The following SNAPC3 variants were observed in gnomAD, a reference collection of about 807,000 sequenced individuals.
SNAPC3 encodes small nuclear RNA activating complex polypeptide 3, also known as snRNA-activating protein complex subunit 3.
In SNAPC3, 56 loss-of-function variants were observed where a neutral mutation model predicts 47.7. That is an observed-to-expected ratio of 1.18 (90% CI 0.95 to 1.47). The LOEUF (loss-of-function observed/expected upper bound fraction) is 1.47, where lower values mean the gene tolerates loss of function less well. Ranked by LOEUF, SNAPC3 falls within the 40% of genes most tolerant of loss-of-function variation. The pLI is 0.00. For missense variants in SNAPC3, 665 were observed against 511.3 expected, an observed-to-expected ratio of 1.30 and a Z score of -2.90; for synonymous variants, 235 against 189.9, an observed-to-expected ratio of 1.24 and a Z score of -1.95.
chr9:15,443,168 AGGGAGAGGGAGACCGTGGGGAGAGG>A (rs1224851268), intron 3 of SNAPC3, among the ~76,000 whole-genome samples: 2 of 152,060 alleles, frequency 1.3e-5, no homozygotes, highest in East Asian at 1.9e-4. Flanking sequence ...GTGGAGAGAG[AGGGAGAGGGAGACCGTGGGGAGAGG>A]GGGAGAGGGA....
At chr9:15,458,151 A>G (rs2034942426) in intron 8 of SNAPC3, 84 bp downstream of exon 8, 2 of 690,744 alleles carry the variant, frequency 2.9e-6, no homozygotes, top group Admixed American at 3.0e-5. Context: ...GGATCTAAGA[A>G]TATTTGTACT....
chr9:15,433,674 A>C (rs2032452229), intron 3 of SNAPC3, 38 bp downstream of exon 3: 4 of 1,296,496 alleles, frequency 3.1e-6, no homozygotes, highest in Non-Finnish European at 4.4e-6. Flanking sequence ...CTTTTCTCTT[A>C]AAACAGTAAA....
In SNAPC3 at chr9:15,445,422, C is replaced by G. The variant is rs113670997; in HGVS notation, c.582+716C>G. 1.3e-3 allele frequency among the ~76,000 whole-genome samples: 201 copies of G among 152,264 alleles called. 3 individuals are homozygous for G. Among genetic ancestry groups the G allele is most frequent in the African/African-American group, 4.6e-3 (191 of 41,540 alleles). Reference sequence around the variant, plus strand: ...ATTGAACTAACCAGAGACAGCTCTTCTTTGATGAAAATACAGAACATTATT... The same window carrying G: ...ATTGAACTAACCAGAGACAGCTCTTGTTTGATGAAAATACAGAACATTATT... On this transcript the variant is annotated intron_variant, in intron 4 of 8. Coordinates refer to ENST00000380821, the MANE Select transcript of SNAPC3 (RefSeq NM_001039697.2).
Position 15,444,695 on chromosome 9 carries a change from AT to A in SNAPC3, c.572del (p.Ile191AsnfsTer25), listed in dbSNP as rs751083584. The A allele has an allele frequency of 1.9e-6, 3 of 1,564,868 alleles. No homozygotes were observed. The South Asian group carries it at 3.4e-5, about 18-fold the overall frequency. On this transcript the variant is annotated frameshift_variant, in exon 4 of 9. Transcript: ENST00000380821. LOFTEE classifies it high-confidence loss of function. Reference sequence around the variant, plus strand: ...ATCTGTGAATATCTTGTACCCTGTTATATTTCATAAGGTAAGTAGTAAAACC... The same window carrying A: ...ATCTGTGAATATCTTGTACCCTGTTAATTTCATAAGGTAAGTAGTAAAACC... ...ILSVNILYPV[I>X]FHKHKEHKPY...
chr9:15,466,701 C>T (rs2035648143), downstream of SNAPC3: 2 of 1,447,882 alleles, frequency 1.4e-6, no homozygotes, highest in South Asian at 1.2e-5. Context: ...TGATTAAAAA[C>T]CTGAATAATA....
At chr9:15,432,246 T>C (rs7040353) in intron 2 of SNAPC3, among the ~76,000 whole-genome samples, 125,273 of 152,086 alleles carry the variant, frequency 0.82, 52,703 homozygotes, top group Non-Finnish European at 0.91. Flanking sequence ...CAGTATAAAC[T>C]CATAGTTTTA....
intron 2 of SNAPC3, among the ~76,000 whole-genome samples, chr9:15,430,481 A>G (rs770702348): frequency 1.3e-5 from 2 of 152,174 alleles, no homozygotes; most frequent in African/African-American, 4.8e-5. Context: ...AAAAAGAACA[A>G]CAAAGTAAGT....
intron 2 of SNAPC3, among the ~76,000 whole-genome samples, chr9:15,427,058 A>G (rs1403633756): frequency 2.6e-5 from 4 of 152,210 alleles, no homozygotes; most frequent in Non-Finnish European, 5.9e-5. Flanking sequence ...TCATTTCTTT[A>G]TTATGACATA....
chr9:15,446,424 C>A (rs2033935119), intron 4 of SNAPC3, among the ~76,000 whole-genome samples: 1 of 152,180 alleles, frequency 6.6e-6, no homozygotes, highest in South Asian at 2.1e-4. Flanking sequence ...CCAGGTTGAT[C>A]TTGAACTTCT....
intron 1 of SNAPC3, 125 bp downstream of exon 1, chr9:15,423,318 C>T (rs2030846688): frequency 1.0e-6 from 1 of 990,584 alleles, no homozygotes; most frequent in East Asian, 3.2e-5. Flanking sequence ...GGAGTATTAC[C>T]CTTTAAAGCT....
At chr9:15,465,675 G>GA, downstream of SNAPC3, 2 of 1,000,230 alleles carry the variant, frequency 2.0e-6, no homozygotes, top group African/African-American at 3.3e-5. Flanking sequence ...TTAAACCCAT[G>GA]AAAAGACTGA....
At chr9:15,456,625 G>C (rs62570993) in intron 7 of SNAPC3, among the ~76,000 whole-genome samples, 1 of 151,964 alleles carries the variant, frequency 6.6e-6, no homozygotes, top group Admixed American at 6.6e-5. Flanking sequence ...ATGCCACCAT[G>C]CCTGGCCAAT....
chr9:15,442,622 G>T (rs998437277), intron 3 of SNAPC3, among the ~76,000 whole-genome samples: 4 of 152,054 alleles, frequency 2.6e-5, no homozygotes, highest in African/African-American at 9.7e-5. Context: ...GGGCGGCCGG[G>T]CAGAGACGCT....
chr9:15,457,843 C>A, intron 7 of SNAPC3, 117 bp from the exon 8 acceptor site: 2 of 650,760 alleles, frequency 3.1e-6, no homozygotes, highest in Non-Finnish European at 5.2e-6. Flanking sequence ...ATCTTGTAAG[C>A]AAAAATTGAA....
intron 8 of SNAPC3, among the ~76,000 whole-genome samples, chr9:15,459,034 C>A (rs1249764595): frequency 6.6e-6 from 1 of 152,138 alleles, no homozygotes; most frequent in African/African-American, 2.4e-5. Flanking sequence ...CAACTTGTAT[C>A]TTCAGTTTGT....
chr9:15,459,864 TAAG>T lies in SNAPC3; in HGVS notation c.*1_*3del. On this transcript the variant is annotated stop_retained_variant and 3_prime_UTR_variant, in exon 9 of 9. Transcript: ENST00000380821. Reference sequence around the variant, plus strand: ...TTATGTTGATCCTGGAACCTTTAATTAAGAATAGCTACACTCACAAAAATACCC... The same window carrying T: ...TTATGTTGATCCTGGAACCTTTAATTAATAGCTACACTCACAAAAATACCC... 1 of 1,611,630 alleles carries T rather than the reference TAAG, an allele frequency of 6.2e-7. No individual in the cohort carries two copies. Among genetic ancestry groups the T allele is most frequent in the Non-Finnish European group, 8.5e-7 (1 of 1,178,742 alleles).
downstream of SNAPC3, chr9:15,462,693 T>G (rs2035304375): frequency 6.6e-6 from 1 of 152,242 alleles, no homozygotes; most frequent in Admixed American, 6.5e-5. Flanking sequence ...TCTTCAGGCA[T>G]CAGTACCATT....
intron 2 of SNAPC3, among the ~76,000 whole-genome samples, chr9:15,425,733 A>G (rs868348535): frequency 1.3e-5 from 2 of 152,128 alleles, no homozygotes; most frequent in African/African-American, 4.8e-5. Flanking sequence ...TTGATTGATT[A>G]GTTGTATTTG....
intron 3 of SNAPC3, among the ~76,000 whole-genome samples, chr9:15,443,640 G>A (rs1048480930): frequency 6.6e-6 from 1 of 152,126 alleles, no homozygotes; most frequent in Non-Finnish European, 1.5e-5. Context: ...GCTGGGGGAA[G>A]CTGCTGCCAC....
Sources: allele counts gnomAD v4.1 joint callset (sites outside exome capture counted in the v4.1 genomes callset), GRCh38; gene constraint gnomAD v4.1.1; transcripts MANE v1.5; gene names NCBI Gene and HGNC (gene_info 2026-07-23, HGNC 2026-07-21).